CFAP54: variants seen among roughly 807,000 people sequenced by gnomAD.
The protein encoded by CFAP54 is cilia and flagella associated protein 54, also known as cilia- and flagella-associated protein 54.
In CFAP54, 290 loss-of-function variants were observed where a neutral mutation model predicts 370.4. The observed-to-expected ratio is 0.78, with a 90% CI of 0.71 to 0.86. The LOEUF is 0.86. Among genes scored for constraint, CFAP54 ranks in the 40% least tolerant of loss-of-function variants. CFAP54 has a pLI of 0.00. For synonymous variants in CFAP54, 1,206 were observed against 1,236.5 expected (o/e 0.98, Z 0.52); for missense variants, 3,399 against 3,528.7 (o/e 0.96, Z 0.93).
intron 17 of CFAP54, 78 bp from the exon 18 acceptor site, chr12:96,564,390 G>GT (rs1235645782): frequency 3.4e-6 from 2 of 585,922 alleles, no homozygotes; most frequent in Non-Finnish European, 6.1e-6. Context: ...TTTATGAATA[G>GT]TTACTCCTTA....
chr12:96,853,209 G>A (rs1959599983), intron 66 of CFAP54, among the ~76,000 whole-genome samples: 1 of 152,004 alleles, frequency 6.6e-6, no homozygotes, highest in African/African-American at 2.4e-5. Context: ...TGAATAAATT[G>A]TATTACATTC....
intron 60 of CFAP54, among the ~76,000 whole-genome samples, chr12:96,779,842 G>A (rs974114147): frequency 6.6e-6 from 1 of 151,906 alleles, no homozygotes; most frequent in African/African-American, 2.4e-5. Flanking sequence ...AAAAAGAAAG[G>A]AAGAGAGGAA....
chr12:96,767,352 T>C (rs2136674495), intron 60 of CFAP54, among the ~76,000 whole-genome samples: 1 of 152,348 alleles, frequency 6.6e-6, no homozygotes. Flanking sequence ...AATGGCATCC[T>C]CTAAACAAAA....
intron 24 of CFAP54, among the ~76,000 whole-genome samples, chr12:96,592,847 T>TC (rs2136435794): frequency 6.6e-6 from 1 of 152,218 alleles, no homozygotes; most frequent in South Asian, 2.1e-4. Flanking sequence ...TTATCTCTTT[T>TC]CCCCCTGTGT....
intron 39 of CFAP54, among the ~76,000 whole-genome samples, chr12:96,675,317 G>A (rs566530610): frequency 6.6e-6 from 1 of 152,308 alleles, no homozygotes; most frequent in African/African-American, 2.4e-5. Flanking sequence ...TATTTATGCA[G>A]CCAAAAGACA....
At chr12:96,520,454 G>A (rs964655949) in intron 6 of CFAP54, among the ~76,000 whole-genome samples, 2 of 152,154 alleles carry the variant, frequency 1.3e-5, no homozygotes, top group African/African-American at 4.8e-5. Flanking sequence ...TGAGGTTGCA[G>A]TAAGCTGAGA....
At chr12:96,713,693 G>A (rs181609398) in intron 48 of CFAP54, among the ~76,000 whole-genome samples, 151 of 152,238 alleles carry the variant, frequency 9.9e-4, no homozygotes, top group Non-Finnish European at 1.3e-3. Context: ...GGGAGTGCAG[G>A]AGTGGGGTGT....
intron 48 of CFAP54, among the ~76,000 whole-genome samples, chr12:96,709,949 T>G (rs59393198): frequency 0.068 from 10,395 of 152,112 alleles, 772 homozygotes; most frequent in East Asian, 0.44. Context: ...ACTCCTGATC[T>G]CAAGTGATCT....
chr12:96,621,309 A>G (rs1231258027), intron 26 of CFAP54, among the ~76,000 whole-genome samples: 1 of 152,188 alleles, frequency 6.6e-6, no homozygotes, highest in Non-Finnish European at 1.5e-5. Context: ...AACTCACTGT[A>G]TCAGAAGGTA....
intron 49 of CFAP54, 148 bp from the exon 50 acceptor site, chr12:96,720,255 ACT>A: frequency 1.6e-6 from 1 of 636,462 alleles, no homozygotes; most frequent in Non-Finnish European, 2.3e-6. Context: ...TTTTTGCTGA[ACT>A]CTCTTCTCTG....
chr12:96,668,904 G>GCTGA (rs1254896835), intron 39 of CFAP54, among the ~76,000 whole-genome samples: 1 of 152,186 alleles, frequency 6.6e-6, no homozygotes, highest in African/African-American at 2.4e-5. Flanking sequence ...GAGCCAGTCA[G>GCTGA]CTAGTCATTC....
chr12:96,510,280 G>A (rs11108558), intron 4 of CFAP54, among the ~76,000 whole-genome samples: 62,353 of 149,630 alleles, frequency 0.42, 13,502 homozygotes, highest in South Asian at 0.47. Context: ...AAGAACAAAG[G>A]AAATAAACTT....
At chr12:96,824,702 A>G (rs746902703) in intron 65 of CFAP54, among the ~76,000 whole-genome samples, 4 of 151,990 alleles carry the variant, frequency 2.6e-5, no homozygotes, top group African/African-American at 9.7e-5. Flanking sequence ...AAGCTGGCCC[A>G]CTTCTAGCCG....
intron 19 of CFAP54, among the ~76,000 whole-genome samples, chr12:96,570,481 C>T (rs1003833031): frequency 6.6e-6 from 1 of 152,052 alleles, no homozygotes; most frequent in African/African-American, 2.4e-5. Context: ...GCATAGGAAA[C>T]TTAATCCAGG....
chr12:96,773,033 C>T (rs1054319283), intron 60 of CFAP54, among the ~76,000 whole-genome samples: 1 of 152,114 alleles, frequency 6.6e-6, no homozygotes, highest in Non-Finnish European at 1.5e-5. Context: ...TTGTGTTCCC[C>T]ACCAGAGATG....
At chr12:96,607,515 C>A (rs940995168) in intron 26 of CFAP54, among the ~76,000 whole-genome samples, 4 of 151,980 alleles carry the variant, frequency 2.6e-5, no homozygotes, top group African/African-American at 9.7e-5. Flanking sequence ...TCAAGAAATA[C>A]CCCTTCCAAC....
chr12:96,827,639 A>G (rs1430550753), intron 65 of CFAP54, among the ~76,000 whole-genome samples: 1 of 122,648 alleles, frequency 8.2e-6, no homozygotes, highest in Non-Finnish European at 1.7e-5. Context: ...TATAATGTGT[A>G]ATATGATACA....
rs200121091 is a variant in CFAP54 at position 96,674,340 on chromosome 12, T to TC, written c.5564-5260_5564-5259insC. Among the ~76,000 whole-genome samples, 130 of 139,494 alleles carry TC rather than the reference T, an allele frequency of 9.3e-4. 2 individuals carry two copies. In the East Asian group the frequency reaches 0.022, roughly 24 times the overall value. The allele number at this position is 139,494 out of a possible 152,430, so 91.5% of individuals were successfully genotyped here. A position where few individuals can be genotyped will look rare whatever the true frequency, so the allele number is the denominator to read the frequency against. On this transcript the variant is annotated intron_variant, in intron 39 of 67. Coordinates refer to ENST00000524981, the MANE Select transcript of CFAP54 (RefSeq NM_001306084.2). ...AATGAAAGACACAATGTTTTTCTTT[T>TC]TTTTTTTTTTTTGCTTCTTCTCCTC...
chr12:96,739,383 A>G (rs757889572), intron 50 of CFAP54, among the ~76,000 whole-genome samples: 1 of 152,216 alleles, frequency 6.6e-6, no homozygotes, highest in Non-Finnish European at 1.5e-5. Flanking sequence ...GTATGGAGCA[A>G]CAGGAAGTGA....
Sources: allele counts gnomAD v4.1 joint callset (sites outside exome capture counted in the v4.1 genomes callset), GRCh38; gene constraint gnomAD v4.1.1; transcripts MANE v1.5; gene names NCBI Gene and HGNC (gene_info 2026-07-23, HGNC 2026-07-21).